Variants in PLOD1 observed in about 807,000 individuals in gnomAD.
The protein encoded by PLOD1 is procollagen-lysine,2-oxoglutarate 5-dioxygenase 1, also known as lysine hydroxylase.
PLOD1 carries 70 observed loss-of-function variants against 94.7 expected under a neutral mutation model. That is an observed-to-expected ratio of 0.74 (90% CI 0.61 to 0.90). The LOEUF (loss-of-function observed/expected upper bound fraction) is 0.90, where lower values mean the gene tolerates loss of function less well. PLOD1 is among the 40% of genes least tolerant of loss of function. The pLI, the probability that PLOD1 is intolerant of heterozygous loss-of-function variation, is 0.00. For synonymous variants in PLOD1, 417 were observed against 400.2 expected (o/e 1.04, Z -0.50); for missense variants, 905 against 972.7 (o/e 0.93, Z 0.93).
chr1:11,948,014 G>A lies in PLOD1; in HGVS notation c.115G>A (p.Glu39Lys), dbSNP rs538407894. The change falls in exon 2 of 19, where the codon GAG becomes AAG. Residue 39 changes from glutamate (E) to lysine (K), a missense_variant. By Grantham distance (56) the Glu-to-Lys change is moderately conservative (BLOSUM62 1). Transcript: ENST00000196061. ...CCTCACGGTGGCCACTAAGGAGACC[G>A]AGGGATTCCGTCGCTTCAAGCGCTC... is the stretch of plus-strand genomic sequence containing the variant. ...LVLTVATKET[E>K]GFRRFKRSAQ... 6.2e-6 allele frequency: 10 copies of A among 1,613,916 alleles called. No homozygotes were observed. Among genetic ancestry groups the A allele is most frequent in the South Asian group, 3.3e-5 (3 of 91,070 alleles).
intron 9 of PLOD1, among the ~76,000 whole-genome samples, chr1:11,959,905 C>T (rs1176828844): frequency 2.7e-5 from 4 of 148,856 alleles, no homozygotes; most frequent in South Asian, 2.1e-4. Flanking sequence ...CATGAGCCAC[C>T]GCACCCAGCT....
intron 1 of PLOD1, among the ~76,000 whole-genome samples, chr1:11,940,209 G>T (rs1319178404): frequency 6.6e-6 from 1 of 152,174 alleles, no homozygotes; most frequent in African/African-American, 2.4e-5. Flanking sequence ...TTTTTGTAGA[G>T]ACAGGGTCTC....
At chr1:11,948,654 T>TG (rs954934319) in intron 2 of PLOD1, among the ~76,000 whole-genome samples, 20 of 151,668 alleles carry the variant, frequency 1.3e-4, no homozygotes, top group African/African-American at 4.6e-4. Flanking sequence ...CACTTGAACC[T>TG]GGGAGGCGGA....
chr1:11,970,535 T>A (rs1299627523), intron 16 of PLOD1, 135 bp from the exon 17 acceptor site: 11 of 821,076 alleles, frequency 1.3e-5, no homozygotes, highest in Non-Finnish European at 2.0e-5. Context: ...GGAGCCTTAA[T>A]TGTATCTGCA....
At chr1:11,970,245 C>A (rs764939561) in intron 16 of PLOD1, among the ~76,000 whole-genome samples, 2 of 151,840 alleles carry the variant, frequency 1.3e-5, no homozygotes, top group African/African-American at 4.8e-5. Context: ...AGTGAGACTC[C>A]GTCACACACA....
chr1:11,949,444 G>C (rs1645681493), intron 2 of PLOD1, among the ~76,000 whole-genome samples: 1 of 152,036 alleles, frequency 6.6e-6, no homozygotes, highest in Non-Finnish European at 1.5e-5. Flanking sequence ...TTTTGAGACG[G>C]AGTGTTGCTC....
Position 11,972,628 on chromosome 1 carries a change from T to G in PLOD1, c.1903-244T>G. ...CTCCCTTCCTCCCTCCCTCCCTTCC[T>G]TTCTTCCTTCCCCTCTGTTCTCTTC... On this transcript the variant is annotated intron_variant, in intron 17 of 18. Transcript: ENST00000196061. The surrounding 1 kb of genome is among the most constrained non-coding windows in gnomAD (Gnocchi z 4.6). 1 of 396,662 alleles carries G rather than the reference T, an allele frequency of 2.5e-6. No individual in the cohort carries two copies. Among genetic ancestry groups the G allele is most frequent in the Non-Finnish European group, 4.8e-6 (1 of 208,034 alleles). The allele number at this position is 396,662 out of a possible 1,614,324, so 24.6% of individuals were successfully genotyped here. A position where few individuals can be genotyped will look rare whatever the true frequency, so the allele number is the denominator to read the frequency against.
At chr1:11,969,519 T>A (rs1645845872) in intron 16 of PLOD1, among the ~76,000 whole-genome samples, 1 of 152,172 alleles carries the variant, frequency 6.6e-6, no homozygotes, top group Non-Finnish European at 1.5e-5. Context: ...TGTGCTCCAG[T>A]GACAGGGCCA....
In PLOD1 at chr1:11,953,151, G is replaced by A. The variant is rs116892868; in HGVS notation, c.579+416G>A. Among the ~76,000 whole-genome samples, 1,205 of 152,138 alleles carry A rather than the reference G, an allele frequency of 7.9e-3. 126 individuals are homozygous for A. In the East Asian group the frequency reaches 0.22, roughly 28 times the overall value. On this transcript the variant is annotated intron_variant, in intron 5 of 18. Coordinates refer to ENST00000196061, the MANE Select transcript of PLOD1 (RefSeq NM_000302.4). ...GCTCACTACAGCCTCTACCTCCCTG[G>A]TTCAAGCGATTCTCGAGCCTCAGCG... is the stretch of plus-strand genomic sequence containing the variant.
In PLOD1 at chr1:11,948,061, G is replaced by C. The variant is rs1557485577; in HGVS notation, c.162G>C (p.Lys54Asn). ...FKRSAQFFNY[K>N]IQALGLGEDW... ...GCTCAGCTCAGTTCTTCAACTACAA[G>C]ATCCAGGTAAGGGGTTTCCTGGGTG... The change falls in exon 2 of 19, where the codon AAG (lysine) becomes AAC (asparagine). Residue 54 changes from lysine (K) to asparagine (N), a missense_variant. Lys to Asn is a moderately conservative substitution (Grantham distance 94, BLOSUM62 0). Transcript: ENST00000196061. 1 of 1,611,886 alleles carries C rather than the reference G, an allele frequency of 6.2e-7. No homozygotes were observed. Among genetic ancestry groups the C allele is most frequent in the Admixed American group, 1.7e-5 (1 of 60,010 alleles).
chr1:11,951,612 T>C (rs554934214), intron 4 of PLOD1, among the ~76,000 whole-genome samples: 2 of 146,182 alleles, frequency 1.4e-5, no homozygotes, highest in South Asian at 2.1e-4. Flanking sequence ...ATATATTATA[T>C]ATAATAATTT....
intron 1 of PLOD1, among the ~76,000 whole-genome samples, chr1:11,941,103 T>A (rs151120146): frequency 5.1e-4 from 77 of 152,312 alleles, no homozygotes; most frequent in African/African-American, 1.8e-3. Flanking sequence ...GAAGAAGCAG[T>A]GATAAAAATA....
chr1:11,953,353 G>T (rs1645716938), intron 5 of PLOD1, among the ~76,000 whole-genome samples: 2 of 151,844 alleles, frequency 1.3e-5, no homozygotes. Context: ...ACCGTGCCCG[G>T]CTGTCGGGTC....
Position 11,964,303 on chromosome 1 carries a change from G to T in PLOD1, c.1328+3G>T. The T allele has an allele frequency of 1.2e-6, 1 of 853,740 alleles. No homozygotes were observed. Among genetic ancestry groups the T allele is most frequent in the South Asian group, 1.3e-5 (1 of 77,224 alleles). 52.9% of individuals were successfully genotyped at this position (853,740 alleles called of 1,614,324 possible). ...GACATTGTGCAGGGGCGGCGTGTGT[G>T]AGTACCTGCAGGGTGGGGGTGGGTG... On this transcript the variant is annotated splice_donor_region_variant and intron_variant, in intron 12 of 18. Coordinates refer to ENST00000196061, the MANE Select transcript of PLOD1 (RefSeq NM_000302.4).
At chr1:11,939,679 C>G (rs189592707) in intron 1 of PLOD1, among the ~76,000 whole-genome samples, 146 of 152,266 alleles carry the variant, frequency 9.6e-4, no homozygotes, top group Non-Finnish European at 1.7e-3. Flanking sequence ...ATGATCTCAG[C>G]TCACTGCAAC....
At chr1:11,935,243 A>T (rs958391219) in intron 1 of PLOD1, among the ~76,000 whole-genome samples, 9 of 152,138 alleles carry the variant, frequency 5.9e-5, no homozygotes, top group African/African-American at 2.2e-4. Context: ...GAGGCTCCAG[A>T]GTTCATTCAC....
rs760764359 is a variant in PLOD1 at position 11,964,188 on chromosome 1, C to A, written c.1216C>A (p.Pro406Thr). 1 of 1,613,946 alleles carries A rather than the reference C, an allele frequency of 6.2e-7. No individual in the cohort carries two copies. Among genetic ancestry groups the A allele is most frequent in the Non-Finnish European group, 8.5e-7 (1 of 1,179,956 alleles). ...LIQQNKNVIA[P>T]LMTRHGRLWS... ...CCCTTCCCTCAGGAACGTCATTGCCCCGCTGATGACCCGGCATGGGAGGCT... is the reference window on the plus strand; with the variant it reads ...CCCTTCCCTCAGGAACGTCATTGCCACGCTGATGACCCGGCATGGGAGGCT... Residue 406 changes from proline to threonine, a missense_variant, in exon 12 of 19, where the codon CCG becomes ACG. Physicochemically the swap from Pro to Thr is conservative, Grantham distance 38. Coordinates refer to ENST00000196061, the MANE Select transcript of PLOD1 (RefSeq NM_000302.4).
At chr1:11,969,543 A>C (rs1645846396) in intron 16 of PLOD1, among the ~76,000 whole-genome samples, 1 of 152,210 alleles carries the variant, frequency 6.6e-6, no homozygotes, top group African/African-American at 2.4e-5. Context: ...CTCGGACCCC[A>C]GCTGACTCTG....
At chr1:11,967,661 T>G (rs910614341) in intron 16 of PLOD1, among the ~76,000 whole-genome samples, 1 of 132,776 alleles carries the variant, frequency 7.5e-6, no homozygotes, top group East Asian at 2.2e-4. Context: ...TATATATATT[T>G]TTTTTAAATA....
Sources: allele counts gnomAD v4.1 joint callset (sites outside exome capture counted in the v4.1 genomes callset), GRCh38; gene constraint gnomAD v4.1.1; non-coding constraint Gnocchi (gnomAD v3.1); transcripts MANE v1.5; gene names NCBI Gene and HGNC (gene_info 2026-07-23, HGNC 2026-07-21).